The following UACA variants were observed in gnomAD, a reference collection of about 807,000 sequenced individuals.
The protein encoded by UACA is uveal autoantigen with coiled-coil domains and ankyrin repeats.
UACA carries 112 observed loss-of-function variants against 160.5 expected under a neutral mutation model. That is an observed-to-expected ratio of 0.70 (90% CI 0.60 to 0.82). The LOEUF (loss-of-function observed/expected upper bound fraction) is 0.82, where lower values mean the gene tolerates loss of function less well. Among genes scored for constraint, UACA ranks in the 40% least tolerant of loss-of-function variants. UACA has a pLI of 0.00. For missense variants in UACA, 1,574 were observed against 1,614.6 expected (o/e 0.97, Z 0.43); for synonymous variants, 557 against 568.4 (o/e 0.98, Z 0.29).
At chr15:70,747,368 CT>C (rs1021030437) in intron 1 of UACA, among the ~76,000 whole-genome samples, 4 of 151,478 alleles carry the variant, frequency 2.6e-5, no homozygotes, top group African/African-American at 9.7e-5. Context: ...CTCAGCCTCC[CT>C]TTTAGGGGTT....
intron 17 of UACA, chr15:70,661,602 G>C (rs958449423): frequency 1.3e-5 from 2 of 152,006 alleles, no homozygotes; most frequent in Admixed American, 6.6e-5. Flanking sequence ...TATGAAATAG[G>C]GAAACATCAG....
intron 1 of UACA, among the ~76,000 whole-genome samples, chr15:70,706,181 G>A (rs1898518036): frequency 6.6e-6 from 1 of 151,936 alleles, no homozygotes; most frequent in Non-Finnish European, 1.5e-5. Context: ...AAATCACAAT[G>A]ATCATATAAG....
chr15:70,729,514 A>AAAGACACTAGAGGG (rs1555415646), intron 1 of UACA, among the ~76,000 whole-genome samples: 4 of 143,336 alleles, frequency 2.8e-5, no homozygotes, highest in South Asian at 2.2e-4. Context: ...GATGGGAACA[A>AAAGACACTAGAGGG]CCCTTCCGCC....
intron 1 of UACA, among the ~76,000 whole-genome samples, chr15:70,745,070 A>C (rs907830817): frequency 2.0e-5 from 3 of 152,194 alleles, no homozygotes; most frequent in African/African-American, 7.2e-5. Context: ...ACCTAGGAAT[A>C]CAACTTACAA....
intron 2 of UACA, 67 bp downstream of exon 2, chr15:70,699,460 G>C: frequency 6.5e-7 from 1 of 1,538,912 alleles, no homozygotes; most frequent in Non-Finnish European, 8.8e-7. Context: ...CAATTCACAA[G>C]TTTCATTTGT....
intron 1 of UACA, among the ~76,000 whole-genome samples, chr15:70,700,193 G>A (rs1471108153): frequency 1.3e-5 from 2 of 151,242 alleles, no homozygotes; most frequent in Non-Finnish European, 2.9e-5. Flanking sequence ...TAGCTCCTAG[G>A]ACTCTTAGAT....
Position 70,667,104 on chromosome 15 carries a change from T to C in UACA, c.3580A>G (p.Ser1194Gly). 6.2e-7 allele frequency: 1 copy of C among 1,612,928 alleles called. No homozygotes were observed. The highest frequency in any genetic ancestry group is 1.1e-5 in the South Asian group (1 of 90,780). ...GAGACTTCTTCCATTTTGTTTTGGC[T>C]TTCTTCTTCCTTTTCTCTCAAGCTG... is the stretch of plus-strand genomic sequence containing the variant. ...KASLREKEEE[S>G]QNKMEEVSKL... Residue 1194 changes from serine (S) to glycine (G), a missense_variant, in exon 16 of 19, where the codon AGC becomes GGC. Coordinates refer to ENST00000322954, the MANE Select transcript of UACA (RefSeq NM_018003.4).
intron 3 of UACA, among the ~76,000 whole-genome samples, chr15:70,692,308 C>T (rs1358386524): frequency 2.0e-5 from 3 of 152,036 alleles, no homozygotes; most frequent in Admixed American, 6.6e-5. Context: ...ACTATAGGCT[C>T]GTGCCACCAT....
the UACA span, among the ~76,000 whole-genome samples, chr15:70,769,862 T>C: frequency 2.0e-5 from 3 of 152,086 alleles, no homozygotes; most frequent in Admixed American, 2.0e-4. Flanking sequence ...CTGGCTGTGG[T>C]GGTGGGCACC....
chr15:70,722,995 A>C (rs1899036733), intron 1 of UACA, among the ~76,000 whole-genome samples: 1 of 152,210 alleles, frequency 6.6e-6, no homozygotes, highest in African/African-American at 2.4e-5. Flanking sequence ...ATTTCTATTA[A>C]CCAACAGGGA....
At chr15:70,747,856 A>G (rs1595922022) in intron 1 of UACA, among the ~76,000 whole-genome samples, 2 of 152,180 alleles carry the variant, frequency 1.3e-5, no homozygotes, top group African/African-American at 4.8e-5. Flanking sequence ...TATATAGAAA[A>G]AAATAAAATA....
At chr15:70,700,334 CACACACAT>C (rs1003735833) in intron 1 of UACA, among the ~76,000 whole-genome samples, 133 of 123,112 alleles carry the variant, frequency 1.1e-3, no homozygotes, top group African/African-American at 5.1e-3. Flanking sequence ...CACACACACA[CACACACAT>C]TCTATACAGA....
Position 70,657,074 on chromosome 15 carries a change from C to T in UACA, c.4233G>A (p.Arg1411=). The T allele has an allele frequency of 1.2e-6, 2 of 1,614,138 alleles. No homozygotes were observed. The highest frequency in any genetic ancestry group is 2.2e-5 in the South Asian group (2 of 91,080). The change falls in exon 19 of 19, where the codon CGG becomes CGA. Residue 1411 remains arginine (R), a synonymous_variant. Transcript: ENST00000322954. ...CTAACGGCTAGCACACAAGCCCCTG[C>T]CGCATTTGTATGATCTGGAGCAGAG... ...QEALLQIIQM[R]QGLVC is the part of the protein sequence containing the mutation.
chr15:70,774,989 G>A, the UACA span, among the ~76,000 whole-genome samples: 2 of 152,036 alleles, frequency 1.3e-5, no homozygotes, highest in Non-Finnish European at 2.9e-5. Flanking sequence ...AGCCTGGGAG[G>A]CTGAGGCTGC....
intron 13 of UACA, among the ~76,000 whole-genome samples, chr15:70,675,381 T>G (rs1362424231): frequency 6.6e-6 from 1 of 152,180 alleles, no homozygotes; most frequent in African/African-American, 2.4e-5. Flanking sequence ...ATCTTGAAAA[T>G]TCAGTCACAT....
At chr15:70,682,149 A>G (rs943997695) in intron 9 of UACA, 2 of 152,212 alleles carry the variant, frequency 1.3e-5, no homozygotes, top group African/African-American at 4.8e-5. Context: ...AAGACATTTC[A>G]CAACCAGGAT....
chr15:70,691,064 AG>A (rs563118521), intron 4 of UACA, among the ~76,000 whole-genome samples: 5 of 152,320 alleles, frequency 3.3e-5, no homozygotes, highest in Middle Eastern at 3.4e-3. Context: ...CTATGTCAAC[AG>A]GAAGGTCAAG....
the UACA span, among the ~76,000 whole-genome samples, chr15:70,774,299 C>T: frequency 6.6e-6 from 1 of 152,096 alleles, no homozygotes; most frequent in African/African-American, 2.4e-5. Flanking sequence ...GTAATCCCAG[C>T]ACTTTGGGAG....
At chr15:70,709,404 T>C (rs1055458839) in intron 1 of UACA, among the ~76,000 whole-genome samples, 2 of 152,228 alleles carry the variant, frequency 1.3e-5, no homozygotes, top group African/African-American at 4.8e-5. Flanking sequence ...CTGGATAACG[T>C]TAAACTCTAA....
Sources: gnomAD v4.1 joint callset for allele counts (sites outside exome capture counted in the v4.1 genomes callset) on GRCh38, gnomAD v4.1.1 for gene constraint, MANE v1.5 for transcripts, NCBI Gene and HGNC (gene_info 2026-07-23, HGNC 2026-07-21) for gene names.